The following CFAP251 variants were observed in gnomAD, a reference collection of about 807,000 sequenced individuals.
CFAP251 encodes cilia- and flagella-associated protein 251.
In CFAP251, 93 loss-of-function variants were observed where a neutral mutation model predicts 126.7. The observed-to-expected ratio is 0.73, with a 90% confidence interval of 0.62 to 0.87. The LOEUF (loss-of-function observed/expected upper bound fraction) is 0.87. CFAP251 is among the 40% of genes least tolerant of loss of function. The probability of loss-of-function intolerance (pLI) is 0.00; values close to 1 mark genes in which losing one functional copy is unlikely to be tolerated. For missense variants in CFAP251, 1,287 were observed against 1,389.2 expected (o/e 0.93, Z 1.17); for synonymous variants, 503 against 506.9 (o/e 0.99, Z 0.10).
At chr12:121,928,816 C>T (rs55778445) in intron 3 of CFAP251, among the ~76,000 whole-genome samples, 7,603 of 151,316 alleles carry the variant, frequency 0.05, 215 homozygotes, top group African/African-American at 0.058. Context: ...CCTGCTTCAG[C>T]CTCCTGAGTA....
intron 7 of CFAP251, among the ~76,000 whole-genome samples, chr12:121,945,543 C>T (rs1257343272): frequency 6.6e-6 from 1 of 150,988 alleles, no homozygotes; most frequent in Non-Finnish European, 1.5e-5. Flanking sequence ...TGGGGTTTCA[C>T]CATGTTAGCC....
chr12:121,930,744 CTTTCT>C (rs1352840124), intron 3 of CFAP251, among the ~76,000 whole-genome samples: 1 of 123,608 alleles, frequency 8.1e-6, no homozygotes, highest in Admixed American at 9.6e-5. Context: ...AATTAATTGC[CTTTCT>C]TTTTTTTTTT....
chr12:121,952,819 G>A (rs1447517911), intron 9 of CFAP251: 3 of 152,166 alleles, frequency 2.0e-5, no homozygotes, highest in African/African-American at 7.2e-5. Context: ...TATTCTGTCT[G>A]CAGACTTGTT....
chr12:121,924,820 G>A (rs979017198), intron 3 of CFAP251, among the ~76,000 whole-genome samples: 7 of 152,144 alleles, frequency 4.6e-5, no homozygotes, highest in Non-Finnish European at 7.4e-5. Flanking sequence ...GCGTTCAATG[G>A]TGTTGCTCAG....
At chr12:121,961,414 A>G (rs1881936133) in intron 14 of CFAP251, among the ~76,000 whole-genome samples, 1 of 146,122 alleles carries the variant, frequency 6.8e-6, no homozygotes, top group African/African-American at 2.5e-5. Context: ...CCATCCACCC[A>G]TCCATCCATC....
At chr12:121,919,189 G>A (rs1434200469) in intron 1 of CFAP251, among the ~76,000 whole-genome samples, 1 of 150,568 alleles carries the variant, frequency 6.6e-6, no homozygotes, top group Non-Finnish European at 1.5e-5. Flanking sequence ...TACATTTAGT[G>A]CTGAGAAAGA....
chr12:121,933,644 C>G (rs1359153272), intron 4 of CFAP251: 2 of 152,288 alleles, frequency 1.3e-5, no homozygotes, highest in African/African-American at 4.8e-5. Flanking sequence ...ATGGCAAGAC[C>G]CTTGTCTCTA....
rs1216112389 is a variant in CFAP251 at position 121,960,591 on chromosome 12, A to C, written c.2140A>C (p.Ser714Arg). The C allele has an allele frequency of 6.2e-7, 1 of 1,613,994 alleles. No individual in the cohort carries two copies. Among genetic ancestry groups the C allele is most frequent in the Non-Finnish European group, 8.5e-7 (1 of 1,180,018 alleles). ...DSQYMATADR[S>R]FTVAVYMLVV... ...CTCTTTTGCTCATCTTCAGGATAGA[A>C]GTTTTACTGTGGCTGTTTACATGCT... The change falls in exon 14 of 22, where the codon AGT becomes CGT. Residue 714 changes from serine (S) to arginine (R), a missense_variant. Transcript: ENST00000288912.
intron 19 of CFAP251, among the ~76,000 whole-genome samples, chr12:121,978,915 G>A (rs771749971): frequency 6.6e-6 from 1 of 152,156 alleles, no homozygotes; most frequent in African/African-American, 2.4e-5. Flanking sequence ...CTGGGTCAGA[G>A]AATATGAAAT....
At chr12:121,961,943 G>C in intron 14 of CFAP251, 35 bp from the exon 15 acceptor site, 1 of 1,590,026 alleles carries the variant, frequency 6.3e-7, no homozygotes, top group Non-Finnish European at 8.5e-7. Context: ...AATTTGGCTT[G>C]GTCCTCATGT....
In CFAP251 at chr12:121,942,274, G is replaced by A. The variant is rs540155619; in HGVS notation, c.999-260G>A. 9.9e-4 allele frequency among the ~76,000 whole-genome samples: 150 copies of A among 152,056 alleles called. 1 individual carries two copies. The highest frequency in any genetic ancestry group is 1.7e-3 in the Non-Finnish European group (118 of 68,012). On this transcript the variant is annotated intron_variant, in intron 5 of 21. Coordinates refer to ENST00000288912, the MANE Select transcript of CFAP251 (RefSeq NM_144668.6). ...CTCTGTGGGTTTGCCTATTCCGGCCGTTTCATATGAGTGGACTCATACACC... is the reference window on the plus strand; with the variant it reads ...CTCTGTGGGTTTGCCTATTCCGGCCATTTCATATGAGTGGACTCATACACC...
At position 122,001,750 on chromosome 12, in the gene CFAP251, T is replaced by G. The variant is rs75550150; in HGVS notation, c.3337+152T>G. On this transcript the variant is annotated intron_variant, in intron 21 of 21. Transcript: ENST00000288912. The stretch of plus-strand genomic sequence containing the variant: ...TGTTGGGAATCCCACATGAATAAGT[T>G]ATGAAAAGAACAGTGAGTGGTGGCT... 1,408 of 674,442 alleles carry G rather than the reference T, an allele frequency of 2.1e-3. 28 individuals are homozygous for G. The East Asian group carries it at 0.035, about 17-fold the overall frequency. The allele number at this position is 674,442 out of a possible 1,614,324, so 41.8% of individuals were successfully genotyped here.
rs181858006 is a variant in CFAP251 at position 121,919,348 on chromosome 12, T to C, written c.-21+653T>C. 5.9e-5 allele frequency among the ~76,000 whole-genome samples: 9 copies of C among 152,266 alleles called. No homozygotes were observed. The East Asian group carries it at 1.7e-3, about 29-fold the overall frequency. On this transcript the variant is annotated intron_variant, in intron 1 of 21. Transcript: ENST00000288912. ...TTTAGGGATAAAGTATCCATCCTTA[T>C]TGTTTTCCTAGTTCAAACTCTTGTT...
chr12:121,999,703 A>G lies in CFAP251; in HGVS notation c.3007-13A>G, dbSNP rs372158996. On this transcript the variant is annotated splice_polypyrimidine_tract_variant and intron_variant, in intron 19 of 21. Coordinates refer to ENST00000288912, the MANE Select transcript of CFAP251 (RefSeq NM_144668.6). The stretch of plus-strand genomic sequence containing the variant: ...TTACTGTGGTCTTTTTTTTTTCCCC[A>G]TCTTTCCCCTAGATTGATGATATAT... The G allele has an allele frequency of 2.0e-4, 321 of 1,570,304 alleles. No homozygotes were observed. The highest frequency in any genetic ancestry group is 5.2e-4 in the Middle Eastern group (3 of 5,812).
intron 15 of CFAP251, among the ~76,000 whole-genome samples, chr12:121,964,652 AT>A (rs1464091899): frequency 3.3e-5 from 5 of 151,850 alleles, no homozygotes; most frequent in Non-Finnish European, 7.4e-5. Context: ...ACGCCCCAGC[AT>A]TTGGGAGGGG....
intron 7 of CFAP251, among the ~76,000 whole-genome samples, chr12:121,944,539 T>C (rs1448994923): frequency 6.6e-6 from 1 of 152,230 alleles, no homozygotes; most frequent in African/African-American, 2.4e-5. Context: ...CGTTTATTTA[T>C]GTCTTCTTTA....
intron 9 of CFAP251, among the ~76,000 whole-genome samples, chr12:121,952,494 A>G (rs1342587868): frequency 6.6e-6 from 1 of 152,114 alleles, no homozygotes; most frequent in African/African-American, 2.4e-5. Flanking sequence ...AAAGCTGCTC[A>G]GTTTCAGAAT....
chr12:121,978,662 C>A (rs556789340), intron 19 of CFAP251, among the ~76,000 whole-genome samples: 1 of 151,926 alleles, frequency 6.6e-6, no homozygotes, highest in Non-Finnish European at 1.5e-5. Flanking sequence ...ACAGAGGATG[C>A]GTGTGCATAT....
chr12:121,982,498 C>T (rs761228118), intron 19 of CFAP251, among the ~76,000 whole-genome samples: 12 of 152,104 alleles, frequency 7.9e-5, no homozygotes, highest in Non-Finnish European at 1.5e-4. Flanking sequence ...CCTGCCTCAG[C>T]CTCCTGAGTA....
Sources: allele counts gnomAD v4.1 joint callset (sites outside exome capture counted in the v4.1 genomes callset), GRCh38; gene constraint gnomAD v4.1.1; transcripts MANE v1.5; gene names NCBI Gene and HGNC (gene_info 2026-07-23, HGNC 2026-07-21).